LRP1B: variants seen among roughly 807,000 people sequenced by gnomAD.
LRP1B encodes the protein low-density lipoprotein receptor-related protein 1B.
LRP1B carries 217 observed loss-of-function variants against 556.6 expected under a neutral mutation model. That is an observed-to-expected ratio of 0.39 (90% CI 0.35 to 0.44). LRP1B has a LOEUF of 0.44. Ranked by LOEUF, LRP1B falls within the 20% of genes least tolerant of loss-of-function variation. The pLI, the probability that LRP1B is intolerant of heterozygous loss-of-function variation, is 1.00. For missense variants in LRP1B, 5,053 were observed against 5,620.8 expected (o/e 0.90, Z 3.23); for synonymous variants, 2,047 against 1,865.8 (o/e 1.10, Z -2.50).
chr2:141,013,386 A>T (rs544408725), intron 14 of LRP1B, among the ~76,000 whole-genome samples, 170 bp downstream of exon 14: 22 of 152,058 alleles, frequency 1.4e-4, no homozygotes, highest in Non-Finnish European at 1.3e-4. Flanking sequence ...ATTTAGAACA[A>T]CAAAAAGTAA....
intron 66 of LRP1B, among the ~76,000 whole-genome samples, chr2:140,420,530 A>G (rs1490142019): frequency 6.6e-6 from 1 of 152,230 alleles, no homozygotes. Flanking sequence ...TAAAGAAGTT[A>G]TATGTCCATA....
intron 1 of LRP1B, among the ~76,000 whole-genome samples, chr2:141,975,151 C>T (rs913335333): frequency 2.0e-5 from 3 of 151,980 alleles, no homozygotes; most frequent in Non-Finnish European, 2.9e-5. Flanking sequence ...TTTTACCCTA[C>T]TGCTTGAATT....
At chr2:141,741,841 G>T (rs1022926405) in intron 2 of LRP1B, among the ~76,000 whole-genome samples, 1 of 152,058 alleles carries the variant, frequency 6.6e-6, no homozygotes, top group South Asian at 2.1e-4. Context: ...CTGTGCTTGT[G>T]GGATATTGCG....
At chr2:140,807,132 A>C (rs950327389) in intron 32 of LRP1B, among the ~76,000 whole-genome samples, 2 of 152,244 alleles carry the variant, frequency 1.3e-5, no homozygotes, top group African/African-American at 2.4e-5. Context: ...TCCTGCAGGC[A>C]TTAGTGACCA....
intron 3 of LRP1B, among the ~76,000 whole-genome samples, chr2:141,347,244 A>G (rs896010089): frequency 6.6e-6 from 1 of 152,078 alleles, no homozygotes; most frequent in Non-Finnish European, 1.5e-5. Context: ...TGAGTCAGGT[A>G]TAAAAATTTT....
chr2:141,613,115 G>GT (rs1442065694), intron 2 of LRP1B, among the ~76,000 whole-genome samples: 1 of 151,960 alleles, frequency 6.6e-6, no homozygotes, highest in Non-Finnish European at 1.5e-5. Flanking sequence ...GCCTGTTTTT[G>GT]TTTTTTAGGG....
chr2:141,040,029 GAC>G (rs1163482049), intron 11 of LRP1B, among the ~76,000 whole-genome samples: 12 of 151,994 alleles, frequency 7.9e-5, no homozygotes, highest in African/African-American at 2.9e-4. Flanking sequence ...CTATATTCTT[GAC>G]ACTCAGTGTG....
chr2:142,000,014 T>G, intron 1 of LRP1B, among the ~76,000 whole-genome samples: 1 of 139,924 alleles, frequency 7.1e-6, no homozygotes. Context: ...TATACACATT[T>G]ATTATATATA....
intron 2 of LRP1B, among the ~76,000 whole-genome samples, chr2:141,723,228 A>G (rs943401241): frequency 6.7e-6 from 1 of 148,786 alleles, no homozygotes; most frequent in African/African-American, 2.5e-5. Context: ...GGTTGACAGT[A>G]TCTTTTCATA....
intron 1 of LRP1B, among the ~76,000 whole-genome samples, chr2:141,846,389 G>T (rs1170631907): frequency 1.3e-5 from 2 of 151,424 alleles, no homozygotes; most frequent in African/African-American, 4.8e-5. Flanking sequence ...GGCAATGAAA[G>T]CACTATCCCA....
intron 32 of LRP1B, among the ~76,000 whole-genome samples, chr2:140,808,697 A>G (rs1294680146): frequency 6.6e-6 from 1 of 152,178 alleles, no homozygotes; most frequent in African/African-American, 2.4e-5. Flanking sequence ...AGCACTGATA[A>G]ATGCTTGCTG....
Position 140,525,918 on chromosome 2 carries a change from A to G in LRP1B, c.7952T>C (p.Leu2651Pro), listed in dbSNP as rs2104967596. ...TGFIRCNSTS[L>P]CVLPTWICDG... ...GCATATCCAGGTTGGCAGAACACAC[A>G]GTGAGGTAGAATTACATCTTATGAA... The change falls in exon 49 of 91, where the codon CTG becomes CCG. Residue 2651 changes from leucine (L) to proline (P), a missense_variant. Transcript: ENST00000389484. 3 of 1,612,496 alleles carry G rather than the reference A, an allele frequency of 1.9e-6. No homozygotes were observed. The highest frequency in any genetic ancestry group is 2.5e-6 in the Non-Finnish European group (3 of 1,178,958).
intron 31 of LRP1B, among the ~76,000 whole-genome samples, chr2:140,837,884 G>A (rs1252063437): frequency 6.6e-6 from 1 of 152,112 alleles, no homozygotes; most frequent in Non-Finnish European, 1.5e-5. Flanking sequence ...CATGGCACGT[G>A]TATACACATG....
intron 18 of LRP1B, among the ~76,000 whole-genome samples, chr2:140,959,494 G>A (rs16845023): frequency 1.3e-5 from 2 of 151,128 alleles, no homozygotes; most frequent in Non-Finnish European, 3.0e-5. Flanking sequence ...AATGAATGTA[G>A]GTTTAATGTA....
chr2:141,423,876 A>G (rs1316792262), intron 3 of LRP1B, among the ~76,000 whole-genome samples: 1 of 152,004 alleles, frequency 6.6e-6, no homozygotes, highest in African/African-American at 2.4e-5. Flanking sequence ...AAATATATAA[A>G]TGATTTTGGC....
intron 25 of LRP1B, among the ~76,000 whole-genome samples, chr2:140,873,500 C>CTA (rs1421152600): frequency 2.0e-5 from 3 of 152,132 alleles, no homozygotes; most frequent in African/African-American, 4.8e-5. Flanking sequence ...GTTTGGTCTA[C>CTA]ACCCAGAAAT....
intron 2 of LRP1B, among the ~76,000 whole-genome samples, chr2:141,604,738 C>T (rs2105313796): frequency 1.3e-5 from 2 of 152,194 alleles, no homozygotes; most frequent in Middle Eastern, 3.4e-3. Flanking sequence ...CTGGACTCAG[C>T]CACACTGAGA....
At chr2:141,044,365 G>C (rs1398199199) in intron 11 of LRP1B, among the ~76,000 whole-genome samples, 1 of 151,666 alleles carries the variant, frequency 6.6e-6, no homozygotes, top group African/African-American at 2.4e-5. Context: ...CATGGGCAAG[G>C]ACTTCATGTC....
At chr2:141,990,978 G>A (rs951670349) in intron 1 of LRP1B, among the ~76,000 whole-genome samples, 3 of 151,860 alleles carry the variant, frequency 2.0e-5, no homozygotes, top group South Asian at 2.1e-4. Context: ...GTGGTTCTTC[G>A]GGTAACTGGT....
Sources: gnomAD v4.1 joint callset for allele counts (sites outside exome capture counted in the v4.1 genomes callset) on GRCh38, gnomAD v4.1.1 for gene constraint, MANE v1.5 for transcripts, NCBI Gene and HGNC (gene_info 2026-07-23, HGNC 2026-07-21) for gene names.